The following PADI4 variants were observed in gnomAD, a reference collection of about 807,000 sequenced individuals.
PADI4 encodes peptidyl arginine deiminase 4.
A neutral mutation model predicts 75.0 loss-of-function variants in PADI4; 62 were observed. The ratio of observed to expected loss-of-function variants is 0.83; its 90% CI spans 0.67 to 1.02. The LOEUF is 1.02. PADI4 is among the 50% of genes least tolerant of loss of function. PADI4 has a pLI of 0.00. For synonymous variants in PADI4, 361 were observed against 348.1 expected (o/e 1.04, Z -0.41); for missense variants, 845 against 850.5 (o/e 0.99, Z 0.08).
intron 1 of PADI4, among the ~76,000 whole-genome samples, chr1:17,312,824 C>T (rs542885332): frequency 1.3e-5 from 2 of 150,164 alleles, no homozygotes; most frequent in Admixed American, 6.6e-5. Context: ...CAAGGAATTT[C>T]CTTGTCGGCA....
At chr1:17,340,089 A>C (rs1748023) in intron 6 of PADI4, among the ~76,000 whole-genome samples, 1 of 150,854 alleles carries the variant, frequency 6.6e-6, no homozygotes, top group East Asian at 2.0e-4. Flanking sequence ...CCTCCTGGTT[A>C]TAGACTTTGA....
intron 11 of PADI4, 64 bp from the exon 12 acceptor site, chr1:17,355,919 G>A: frequency 6.3e-7 from 1 of 1,588,698 alleles, no homozygotes; most frequent in Non-Finnish European, 8.6e-7. Context: ...CAAGCCCCTT[G>A]TCCTTCAGGG....
At chr1:17,354,407 A>G (rs1264174425) in intron 10 of PADI4, 126 bp from the exon 11 acceptor site, 38 of 782,650 alleles carry the variant, frequency 4.9e-5, no homozygotes, top group Non-Finnish European at 7.0e-5. Context: ...AGCACCTGCT[A>G]TGTGCCAGCT....
At chr1:17,341,020 C>T (rs527898130) in intron 6 of PADI4, among the ~76,000 whole-genome samples, 2 of 151,112 alleles carry the variant, frequency 1.3e-5, no homozygotes, top group South Asian at 2.1e-4. Context: ...AGACAGGTCT[C>T]GAACTCCTGA....
chr1:17,318,690 C>T (rs868267475), intron 1 of PADI4, among the ~76,000 whole-genome samples: 8 of 143,080 alleles, frequency 5.6e-5, no homozygotes, highest in Non-Finnish European at 7.6e-5. Context: ...GATTTTTTTT[C>T]TTTTTTTTTT....
At chr1:17,323,010 G>T (rs1198126252) in intron 1 of PADI4, among the ~76,000 whole-genome samples, 3 of 152,156 alleles carry the variant, frequency 2.0e-5, no homozygotes, top group Non-Finnish European at 4.4e-5. Context: ...CTACTTCAAG[G>T]TTTCTCATAA....
At chr1:17,344,087 A>G (rs1363625483) in intron 8 of PADI4, among the ~76,000 whole-genome samples, 2 of 152,188 alleles carry the variant, frequency 1.3e-5, no homozygotes, top group Non-Finnish European at 2.9e-5. Context: ...TGATATGAAC[A>G]ATGAAATCCA....
chr1:17,335,078 G>A (rs923230336), intron 3 of PADI4, among the ~76,000 whole-genome samples: 2 of 152,088 alleles, frequency 1.3e-5, no homozygotes, highest in African/African-American at 4.8e-5. Context: ...AGAAGGTCAA[G>A]ACTACATGAT....
chr1:17,356,173 G>A lies in PADI4; in HGVS notation c.1455+46G>A. ...TCAGGAAGCCATGCCTCCTTCCTGGGTAGACCCTCTGCCTGGGGTGGGAGC... is the reference window on the plus strand; with the variant it reads ...TCAGGAAGCCATGCCTCCTTCCTGGATAGACCCTCTGCCTGGGGTGGGAGC... On this transcript the variant is annotated intron_variant, in intron 12 of 15. Coordinates refer to ENST00000375448, the MANE Select transcript of PADI4 (RefSeq NM_012387.3). This position sits in a 1 kb window ranked among gnomAD's most constrained non-coding sequence, Gnocchi z 4.1. The A allele has an allele frequency of 6.3e-7, 1 of 1,594,878 alleles. No homozygotes were observed. Among genetic ancestry groups the A allele is most frequent in the Non-Finnish European group, 8.6e-7 (1 of 1,166,092 alleles).
intron 1 of PADI4, among the ~76,000 whole-genome samples, chr1:17,312,581 G>A (rs753858902): frequency 7.9e-5 from 12 of 152,054 alleles, no homozygotes; most frequent in Admixed American, 2.6e-4. Context: ...TACATTTTCC[G>A]TGTGAGGTGG....
chr1:17,322,652 C>A (rs1407219484), intron 1 of PADI4, among the ~76,000 whole-genome samples: 1 of 152,048 alleles, frequency 6.6e-6, no homozygotes, highest in African/African-American at 2.4e-5. Flanking sequence ...ATTTATGAAC[C>A]ATGAGAGGCA....
rs1283710397 is a variant in PADI4 at position 17,339,758 on chromosome 1, G to A, written c.597G>A (p.Leu199=). The A allele has an allele frequency of 6.2e-7, 1 of 1,613,960 alleles. No individual in the cohort carries two copies. The highest frequency in any genetic ancestry group is 2.2e-5 in the East Asian group (1 of 44,870). ...AGGACTTCTTCACAAACCATACACT[G>A]GTGCTCCACGTGGCCAGGTCTGAGA... ...TPKDFFTNHT[L]VLHVARSEMD... The change falls in exon 6 of 16, where the codon CTG becomes CTA. Residue 199 remains leucine (L), a synonymous_variant. Coordinates refer to ENST00000375448, the MANE Select transcript of PADI4 (RefSeq NM_012387.3).
intron 11 of PADI4, among the ~76,000 whole-genome samples, chr1:17,355,730 A>T (rs2074748532): frequency 6.6e-6 from 1 of 152,204 alleles, no homozygotes; most frequent in Non-Finnish European, 1.5e-5. Context: ...CTAACTCAAG[A>T]GGCAGTGCTT....
In PADI4 at chr1:17,354,645, A is replaced by G; in HGVS notation, c.1268A>G (p.Tyr423Cys). ...SPPVTVRGKE[Y>C]PLGRILFGDS... ...CCAGTCACAGTCAGGGGCAAGGAAT[A>G]CCCGCTGGGCAGGATTCTCTTCGGG... The change falls in exon 11 of 16, where the codon TAC becomes TGC. Residue 423 changes from tyrosine to cysteine, a missense_variant. By Grantham distance (194) the Tyr-to-Cys change is radical. Coordinates refer to ENST00000375448, the MANE Select transcript of PADI4 (RefSeq NM_012387.3). 1 of 1,613,636 alleles carries G rather than the reference A, an allele frequency of 6.2e-7. No individual in the cohort carries two copies. Among genetic ancestry groups the G allele is most frequent in the African/African-American group, 1.3e-5 (1 of 75,038 alleles).
intron 1 of PADI4, among the ~76,000 whole-genome samples, chr1:17,330,413 G>A (rs1044984549): frequency 1.3e-5 from 2 of 152,176 alleles, no homozygotes; most frequent in South Asian, 2.1e-4. Context: ...TGGCTCACAC[G>A]ATCACAAGGC....
chr1:17,347,579 C>A (rs1419506853), intron 9 of PADI4, among the ~76,000 whole-genome samples: 1 of 151,618 alleles, frequency 6.6e-6, no homozygotes, highest in Non-Finnish European at 1.5e-5. Flanking sequence ...TCCCCACAGA[C>A]CCCTCAACCC....
Position 17,310,967 on chromosome 1 carries a change from C to T in PADI4, c.92+2653C>T, listed in dbSNP as rs569343661. 1.2e-4 allele frequency among the ~76,000 whole-genome samples: 18 copies of T among 152,052 alleles called. No individual in the cohort carries two copies. In the South Asian group the frequency reaches 3.1e-3, roughly 26 times the overall value. ...CAAAAATTAGCCGGGCGTGGTAGCA[C>T]GCAGCTATAGTCCCAGCTACTTGGG... On this transcript the variant is annotated intron_variant, in intron 1 of 15. Transcript: ENST00000375448.
chr1:17,322,493 C>CAAAA (rs1553143295), intron 1 of PADI4, among the ~76,000 whole-genome samples: 2 of 149,532 alleles, frequency 1.3e-5, no homozygotes, highest in African/African-American at 4.9e-5. Context: ...CATCCCCCCC[C>CAAAA]AAAAAAAAAG....
rs1224406157 is a variant in PADI4, at chr1:17,351,574, A to C, written c.1156-2959A>C. ...CAGTGAGCCATGATCACACCACTGC[A>C]TTCTGGCATGGGCAATAGGAGTAAG... On this transcript the variant is annotated intron_variant, in intron 10 of 15. Coordinates refer to ENST00000375448, the MANE Select transcript of PADI4 (RefSeq NM_012387.3). 2.0e-5 allele frequency among the ~76,000 whole-genome samples: 3 copies of C among 148,528 alleles called. No individual in the cohort carries two copies. The Admixed American group carries it at 2.1e-4, about 10-fold the overall frequency.
Sources: gnomAD v4.1 joint callset for allele counts (sites outside exome capture counted in the v4.1 genomes callset) on GRCh38, gnomAD v4.1.1 for gene constraint, Gnocchi (gnomAD v3.1) non-coding constraint, MANE v1.5 for transcripts, NCBI Gene and HGNC (gene_info 2026-07-23, HGNC 2026-07-21) for gene names.